The following DNAJA4 variants were observed in gnomAD, a reference collection of about 807,000 sequenced individuals.
DNAJA4 encodes the protein dnaJ homolog subfamily A member 4.
Under a neutral mutation model 39.7 loss-of-function variants are expected in DNAJA4, and 32 were observed. That is an observed-to-expected ratio of 0.81 (90% CI 0.61 to 1.08). DNAJA4 has a LOEUF of 1.08. Among genes scored for constraint, DNAJA4 ranks in the 50% least tolerant of loss-of-function variants. DNAJA4 has a pLI of 0.00. For synonymous variants in DNAJA4, 184 were observed against 182.4 expected, an observed-to-expected ratio of 1.01 and a Z score of -0.07; for missense variants, 439 against 505.1, an observed-to-expected ratio of 0.87 and a Z score of 1.25.
intron 5 of DNAJA4, chr15:78,278,334 A>G (rs1313093747): frequency 2.2e-6 from 1 of 454,024 alleles, no homozygotes; most frequent in Non-Finnish European, 4.4e-6. Context: ...AAAACCAGTC[A>G]TATGTAACTT....
At position 78,274,832 on chromosome 15, in the gene DNAJA4, TC is replaced by T. The variant is rs2049404398; in HGVS notation, c.646+411del. The T allele has an allele frequency of 1.8e-5, 4 of 224,902 alleles. No homozygotes were observed. In the South Asian group the frequency reaches 2.7e-4, roughly 15 times the overall value. The allele number at this position is 224,902 out of a possible 1,614,324, so 13.9% of individuals were successfully genotyped here. A position where few individuals can be genotyped will look rare whatever the true frequency, so the allele number is the denominator to read the frequency against. On this transcript the variant is annotated intron_variant, in intron 4 of 6. Coordinates refer to ENST00000394852, the MANE Select transcript of DNAJA4 (RefSeq NM_001130182.2). The stretch of plus-strand genomic sequence containing the variant: ...TGTGTAAGTGTTTGTGGCTGCATGT[TC>T]CCTTTCTCCACATTTCCCCATGTGC...
rs373981227 is a variant in DNAJA4, at chr15:78,275,742, G to A, written c.877+14G>A. 85 of 1,566,780 alleles carry A rather than the reference G, an allele frequency of 5.4e-5. No individual in the cohort carries two copies. Among genetic ancestry groups the A allele is most frequent in the African/African-American group, 4.9e-4 (36 of 73,928 alleles). On this transcript the variant is annotated intron_variant, in intron 5 of 6. Transcript: ENST00000394852. Reference sequence around the variant, plus strand: ...CATCCAAAGCAGGTAATGTTTCAAAGTGTGTTTCCATTGATGTTCTGTATG... The same window carrying A: ...CATCCAAAGCAGGTAATGTTTCAAAATGTGTTTCCATTGATGTTCTGTATG...
At chr15:78,265,548 C>T in intron 1 of DNAJA4, 1 of 702,378 alleles carries the variant, frequency 1.4e-6, no homozygotes, top group South Asian at 1.5e-5. Context: ...ACAAGTGACA[C>T]ACAGTTGATC....
chr15:78,264,851 G>C lies in DNAJA4; in HGVS notation c.88G>C (p.Ala30Pro). ...GATCAAGAAGGCCTATCGGAAGCTGGCGCTCAAGTACCACCCGGACAAGAA... is the reference window on the plus strand; with the variant it reads ...GATCAAGAAGGCCTATCGGAAGCTGCCGCTCAAGTACCACCCGGACAAGAA... Reference protein sequence around the residue: ...EEIKKAYRKLALKYHPDKNPD... With the variant: ...EEIKKAYRKLPLKYHPDKNPD... Residue 30 changes from alanine to proline, a missense_variant, in exon 1 of 7, where the codon GCG becomes CCG. Transcript: ENST00000394852. 6.2e-7 allele frequency: 1 copy of C among 1,608,836 alleles called. No individual in the cohort carries two copies. Among genetic ancestry groups the C allele is most frequent in the Non-Finnish European group, 8.5e-7 (1 of 1,177,614 alleles).
At position 78,274,326 on chromosome 15, in the gene DNAJA4, G is replaced by A; in HGVS notation, c.548G>A (p.Gly183Asp). The change falls in exon 4 of 7, where the codon GGC becomes GAC. Residue 183 changes from glycine to aspartate, a missense_variant. Transcript: ENST00000394852. The stretch of plus-strand genomic sequence containing the variant: ...CAGACCGTGTGCATCGAGTGCAAGG[G>A]CCAGGGTGAGCGCATCAACCCCAAG... ...QIQTVCIECK[G>D]QGERINPKDR... The A allele has an allele frequency of 6.2e-7, 1 of 1,614,190 alleles. No individual in the cohort carries two copies. The highest frequency in any genetic ancestry group is 8.5e-7 in the Non-Finnish European group (1 of 1,180,046).
At chr15:78,266,354 A>G in intron 1 of DNAJA4, 2 of 1,511,184 alleles carry the variant, frequency 1.3e-6, no homozygotes, top group Admixed American at 1.7e-5. Context: ...TGAAGCTTTT[A>G]TTTTTAAAAA....
At chr15:78,266,410 A>G (rs2141426355) in intron 1 of DNAJA4, 4 of 859,716 alleles carry the variant, frequency 4.7e-6, no homozygotes, top group African/African-American at 1.7e-5. Context: ...CACCCTGTCT[A>G]TACCTGTCTG....
At chr15:78,264,326 G>A (rs2049053885), upstream of DNAJA4, 2 of 1,418,564 alleles carry the variant, frequency 1.4e-6, no homozygotes, top group Middle Eastern at 1.9e-4. Flanking sequence ...GGCCCGGGGC[G>A]GCAGTCAGAG....
chr15:78,264,554 G>A (rs1595920592), upstream of DNAJA4: 1 of 1,223,638 alleles, frequency 8.2e-7, no homozygotes, highest in Middle Eastern at 3.2e-4. Context: ...GGAGGAGCCG[G>A]TGGCTCTAGT....
upstream of DNAJA4, chr15:78,264,279 C>T (rs1281824381): frequency 1.1e-5 from 15 of 1,342,300 alleles, no homozygotes; most frequent in South Asian, 2.4e-4. Flanking sequence ...CGGAGGGCGC[C>T]CTCCAGGCCC....
chr15:78,274,094 A>G (rs770554000), intron 3 of DNAJA4, 103 bp from the exon 4 acceptor site: 130 of 936,076 alleles, frequency 1.4e-4, no homozygotes, highest in Non-Finnish European at 2.0e-4. Flanking sequence ...TTCTAAGCCC[A>G]TTGTCCAATG....
At chr15:78,268,302 GT>G (rs2049198806) in intron 1 of DNAJA4, among the ~76,000 whole-genome samples, 1 of 152,152 alleles carries the variant, frequency 6.6e-6, no homozygotes, top group South Asian at 2.1e-4. Context: ...TCTACCTCAT[GT>G]TTTCTGCTGA....
chr15:78,271,127 T>C (rs1223315922), intron 2 of DNAJA4, among the ~76,000 whole-genome samples: 1 of 152,224 alleles, frequency 6.6e-6, no homozygotes, highest in African/African-American at 2.4e-5. Context: ...TTAAAGAGTT[T>C]ATCACTTGTC....
rs200590270 is a variant in DNAJA4, at chr15:78,280,015, CTCCT to C, written c.878-25_878-22del. ...GACCTCTGCAGGCCCCTCTGCCTTCCTCCTTCCTAATTGACCCTTTCTCTGGCAG... is the reference window on the plus strand; with the variant it reads ...GACCTCTGCAGGCCCCTCTGCCTTCCTCCTAATTGACCCTTTCTCTGGCAG... On this transcript the variant is annotated intron_variant, in intron 5 of 6. Coordinates refer to ENST00000394852, the MANE Select transcript of DNAJA4 (RefSeq NM_001130182.2). 20,570 of 1,610,672 alleles carry C rather than the reference CTCCT, an allele frequency of 0.013. 2,148 individuals carry two copies. In the African/African-American group the frequency reaches 0.23, roughly 18 times the overall value.
At chr15:78,264,969 A>G in intron 1 of DNAJA4, 74 bp downstream of exon 1, 25 of 1,425,912 alleles carry the variant, frequency 1.8e-5, no homozygotes, top group Non-Finnish European at 2.2e-5. Context: ...ATTGAAGGCG[A>G]CGGGAAACCT....
At chr15:78,270,735 G>C in intron 2 of DNAJA4, 58 bp downstream of exon 2, 1 of 1,563,774 alleles carries the variant, frequency 6.4e-7, no homozygotes. Flanking sequence ...TATACGTGTT[G>C]TTGGAATCAG....
At position 78,264,613 on chromosome 15, in the gene DNAJA4, GC is replaced by G. The variant is rs2049064168; in HGVS notation, c.-150del. 1 of 1,107,584 alleles carries G rather than the reference GC, an allele frequency of 9.0e-7. No homozygotes were observed. Among genetic ancestry groups the G allele is most frequent in the Non-Finnish European group, 1.1e-6 (1 of 909,088 alleles). The allele number at this position is 1,107,584 out of a possible 1,614,324, so 68.6% of individuals were successfully genotyped here. A position where few individuals can be genotyped will look rare whatever the true frequency, so the allele number is the denominator to read the frequency against. On this transcript the variant is annotated 5_prime_UTR_variant, in exon 1 of 7. Transcript: ENST00000394852. ...CGGTCCGGCGCGGGGCGGGGGGCGGGCGGGAGCTACAAGCGGCGGCGGCGGC... is the reference window on the plus strand; with the variant it reads ...CGGTCCGGCGCGGGGCGGGGGGCGGGGGGAGCTACAAGCGGCGGCGGCGGC...
intron 3 of DNAJA4, 143 bp from the exon 4 acceptor site, chr15:78,274,054 C>T: frequency 1.4e-6 from 1 of 709,790 alleles, no homozygotes; most frequent in African/African-American, 1.8e-5. Context: ...CCAGACTCTT[C>T]TGCATTGTTT....
rs572460494 is a variant in DNAJA4, at chr15:78,267,968, G to T, written c.133-2529G>T. Among the ~76,000 whole-genome samples, 23 of 152,224 alleles carry T rather than the reference G, an allele frequency of 1.5e-4. No homozygotes were observed. In the East Asian group the frequency reaches 3.5e-3, roughly 23 times the overall value. On this transcript the variant is annotated intron_variant, in intron 1 of 6. Transcript: ENST00000394852. Reference sequence around the variant, plus strand: ...CACTCGTCTCCCACTGGGAGAAGGGGGTCCGGGCCGGGAGCTGAATTAGAC... The same window carrying T: ...CACTCGTCTCCCACTGGGAGAAGGGTGTCCGGGCCGGGAGCTGAATTAGAC...
Sources: gnomAD v4.1 joint callset for allele counts (sites outside exome capture counted in the v4.1 genomes callset) on GRCh38, gnomAD v4.1.1 for gene constraint, MANE v1.5 for transcripts, NCBI Gene and HGNC (gene_info 2026-07-23, HGNC 2026-07-21) for gene names.